CSMD1: variants seen among roughly 807,000 people sequenced by gnomAD.
The protein encoded by CSMD1 is CUB and Sushi multiple domains 1.
CSMD1 carries 213 observed loss-of-function variants against 417.5 expected under a neutral mutation model. That is an observed-to-expected ratio of 0.51 (90% CI 0.46 to 0.57). The LOEUF (loss-of-function observed/expected upper bound fraction) is 0.57, where lower values mean the gene tolerates loss of function less well. CSMD1 is among the 20% of genes least tolerant of loss of function. The probability of loss-of-function intolerance (pLI) is 0.00; values close to 1 mark genes in which losing one functional copy is unlikely to be tolerated. For missense variants in CSMD1, 6,923 were observed against 4,529.7 expected, an observed-to-expected ratio of 1.53 and a Z score of -15.17; for synonymous variants, 2,862 against 1,736.8, an observed-to-expected ratio of 1.65 and a Z score of -16.11.
At chr8:3,151,554 T>G (rs1011191992) in intron 39 of CSMD1, 41 bp from the exon 40 acceptor site, 2 of 1,306,100 alleles carry the variant, frequency 1.5e-6, no homozygotes, top group Admixed American at 1.9e-5. Flanking sequence ...GGTCCTCACT[T>G]TCTCCCTGGA....
intron 3 of CSMD1, among the ~76,000 whole-genome samples, chr8:4,286,389 C>A (rs1367596085): frequency 6.6e-6 from 1 of 152,110 alleles, no homozygotes; most frequent in Non-Finnish European, 1.5e-5. Context: ...CAGTCCTTCA[C>A]CAAGGGCTTC....
chr8:4,368,128 A>G (rs1033288403), intron 3 of CSMD1, among the ~76,000 whole-genome samples: 7 of 152,032 alleles, frequency 4.6e-5, no homozygotes, highest in Non-Finnish European at 1.0e-4. Flanking sequence ...CTCATTCAGT[A>G]TGGTGTTCAT....
rs558912587 is a variant in CSMD1, at chr8:3,493,225, C to T, written c.1448+398G>A. ...AGGTGAATTGCTTGAACCCGGGAGG[C>T]GGAGGTTGCAGTGAGCCGAGATCTG... On this transcript the variant is annotated intron_variant, in intron 11 of 69. Transcript: ENST00000635120. Among the ~76,000 whole-genome samples, 49 of 134,440 alleles carry T rather than the reference C, an allele frequency of 3.6e-4. 3 individuals carry two copies. In the South Asian group the frequency reaches 0.013, roughly 34 times the overall value. The allele number at this position is 134,440 out of a possible 152,430, so 88.2% of individuals were successfully genotyped here.
chr8:4,070,774 C>T (rs896642459), intron 3 of CSMD1, among the ~76,000 whole-genome samples: 1 of 152,186 alleles, frequency 6.6e-6, no homozygotes, highest in Non-Finnish European at 1.5e-5. Context: ...TCACTGACAC[C>T]CTCTCATAAG....
intron 57 of CSMD1, among the ~76,000 whole-genome samples, chr8:2,972,580 G>A (rs1365805576): frequency 6.6e-6 from 1 of 152,110 alleles, no homozygotes; most frequent in Non-Finnish European, 1.5e-5. Context: ...TGTCATTACT[G>A]GAGCATACCA....
chr8:4,674,198 G>T (rs1018908672), intron 1 of CSMD1, among the ~76,000 whole-genome samples: 4 of 152,104 alleles, frequency 2.6e-5, no homozygotes, highest in Non-Finnish European at 5.9e-5. Flanking sequence ...CAAAATTTTG[G>T]CCATACAATT....
chr8:4,014,643 G>A (rs1016708065), intron 4 of CSMD1, among the ~76,000 whole-genome samples: 1 of 152,138 alleles, frequency 6.6e-6, no homozygotes, highest in Non-Finnish European at 1.5e-5. Context: ...TCAGAGCCTG[G>A]GTCTTAGCAA....
chr8:3,291,059 C>G (rs1315515327), intron 25 of CSMD1, among the ~76,000 whole-genome samples: 1 of 152,066 alleles, frequency 6.6e-6, no homozygotes, highest in Non-Finnish European at 1.5e-5. Flanking sequence ...TGTCAAAGGC[C>G]TTTTCTGCAT....
rs529353676 is a variant in CSMD1, at chr8:3,998,117, G to A, written c.611-7C>T. On this transcript the variant is annotated splice_region_variant and splice_polypyrimidine_tract_variant and intron_variant, in intron 4 of 69. Transcript: ENST00000635120. ...CCTCCGCAGGCTCCCTCAGCTGCAG[G>A]GGCAAAAGCAGAAAGAAAGCATCAC... 16 of 1,552,584 alleles carry A rather than the reference G, an allele frequency of 1.0e-5. No individual in the cohort carries two copies. The highest frequency in any genetic ancestry group is 2.4e-5 in the East Asian group (1 of 41,468).
chr8:4,449,070 CCT>C (rs1436108504), intron 2 of CSMD1, among the ~76,000 whole-genome samples: 2 of 152,152 alleles, frequency 1.3e-5, no homozygotes, highest in Non-Finnish European at 1.5e-5. Context: ...ATGCTATAAA[CCT>C]CTTTCTAAGG....
rs117733376 is a variant in CSMD1 at position 3,379,085 on chromosome 8, C to A, written c.2782+8409G>T. Among the ~76,000 whole-genome samples the A allele has an allele frequency of 3.9e-5, 6 of 152,280 alleles. No individual in the cohort carries two copies. The East Asian group carries it at 1.2e-3, about 29-fold the overall frequency. On this transcript the variant is annotated intron_variant, in intron 18 of 69. Coordinates refer to ENST00000635120, the MANE Select transcript of CSMD1 (RefSeq NM_033225.6). ...AATATCAATGTGCGAAAAGCACAAG[C>A]ATTCCTATACATAAATAATAGACAA...
intron 3 of CSMD1, among the ~76,000 whole-genome samples, chr8:4,385,310 G>A (rs938117900): frequency 3.3e-4 from 50 of 152,194 alleles, no homozygotes; most frequent in African/African-American, 1.2e-3. Context: ...AAACAATGAT[G>A]TAGTCTGACA....
chr8:3,615,215 G>A (rs1017861940), intron 8 of CSMD1, among the ~76,000 whole-genome samples: 1 of 152,124 alleles, frequency 6.6e-6, no homozygotes, highest in Non-Finnish European at 1.5e-5. Context: ...TGAGCCAAAG[G>A]AAGGAAGCCA....
chr8:4,381,152 T>G (rs1395078690), intron 3 of CSMD1, among the ~76,000 whole-genome samples: 1 of 152,150 alleles, frequency 6.6e-6, no homozygotes, highest in African/African-American at 2.4e-5. Context: ...ACTAAAGAAG[T>G]CAATTTTTAA....
At chr8:3,905,216 CATAAT>C (rs1448680165) in intron 5 of CSMD1, among the ~76,000 whole-genome samples, 1 of 152,002 alleles carries the variant, frequency 6.6e-6, no homozygotes, top group Non-Finnish European at 1.5e-5. Flanking sequence ...ATTTTTTCTG[CATAAT>C]ATAATTTTTC....
intron 5 of CSMD1, among the ~76,000 whole-genome samples, chr8:3,795,381 T>C (rs1319705826): frequency 5.0e-5 from 2 of 39,776 alleles, no homozygotes; most frequent in Admixed American, 3.0e-4. Context: ...ATATATATCA[T>C]GTATAGATAT....
intron 1 of CSMD1, among the ~76,000 whole-genome samples, chr8:4,678,904 G>C (rs1301357639): frequency 6.6e-6 from 1 of 152,090 alleles, no homozygotes; most frequent in African/African-American, 2.4e-5. Flanking sequence ...AGTAATATTT[G>C]ACAAACAAAT....
At chr8:3,612,041 G>A (rs887397493) in intron 8 of CSMD1, among the ~76,000 whole-genome samples, 28 of 151,996 alleles carry the variant, frequency 1.8e-4, no homozygotes, top group African/African-American at 6.5e-4. Flanking sequence ...ATGTACAACT[G>A]GATTTTTAAA....
chr8:4,038,475 C>T (rs755880003), intron 3 of CSMD1, among the ~76,000 whole-genome samples: 8 of 152,118 alleles, frequency 5.3e-5, no homozygotes, highest in East Asian at 1.9e-4. Flanking sequence ...TCGAGAAAAA[C>T]TAATTTGAAA....
Sources: allele counts gnomAD v4.1 joint callset (sites outside exome capture counted in the v4.1 genomes callset), GRCh38; gene constraint gnomAD v4.1.1; transcripts MANE v1.5; gene names NCBI Gene and HGNC (gene_info 2026-07-23, HGNC 2026-07-21).